NCAPD3: variants seen among roughly 807,000 people sequenced by gnomAD.
NCAPD3 encodes condensin-2 complex subunit D3.
Under a neutral mutation model 182.9 loss-of-function variants are expected in NCAPD3, and 105 were observed. That is an observed-to-expected ratio of 0.57 (90% confidence interval 0.49 to 0.68). The LOEUF is 0.68. Among genes scored for constraint, NCAPD3 ranks in the 30% least tolerant of loss-of-function variants. NCAPD3 has a pLI of 0.00. For synonymous variants in NCAPD3, 815 were observed against 679.9 expected, an observed-to-expected ratio of 1.20 and a Z score of -3.09; for missense variants, 1,944 against 1,837.0, an observed-to-expected ratio of 1.06 and a Z score of -1.07.
chr11:134,186,964 A>C (rs1035554493), intron 16 of NCAPD3, among the ~76,000 whole-genome samples: 1 of 152,242 alleles, frequency 6.6e-6, no homozygotes, highest in Non-Finnish European at 1.5e-5. Context: ...TTATTTAAAA[A>C]TAACGATATA....
rs1434550314 is a variant in NCAPD3, at chr11:134,167,929, G to C, written c.3573+67C>G. The C allele has an allele frequency of 4.8e-6, 7 of 1,465,656 alleles. No homozygotes were observed. The East Asian group carries it at 1.6e-4, about 33-fold the overall frequency. 90.8% of individuals were successfully genotyped at this position (1,465,656 alleles called of 1,614,324 possible). Reference sequence around the variant, plus strand: ...GAGCTTGGGGGAGGTGCACACTCGTGAGATGAGCTTAGGGGAGCAGCACAC... The same window carrying C: ...GAGCTTGGGGGAGGTGCACACTCGTCAGATGAGCTTAGGGGAGCAGCACAC... On this transcript the variant is annotated intron_variant, in intron 27 of 34. Coordinates refer to ENST00000534548, the MANE Select transcript of NCAPD3 (RefSeq NM_015261.3).
chr11:134,211,575 C>T (rs573356378), intron 3 of NCAPD3, among the ~76,000 whole-genome samples: 120 of 151,854 alleles, frequency 7.9e-4, no homozygotes, highest in African/African-American at 2.7e-3. Context: ...AAATGTGCCC[C>T]ATAAGAAAAA....
intron 13 of NCAPD3, among the ~76,000 whole-genome samples, chr11:134,198,107 G>A (rs1032118977): frequency 3.3e-5 from 5 of 152,178 alleles, no homozygotes; most frequent in African/African-American, 1.2e-4. Flanking sequence ...TTAACCTGAA[G>A]ACTGGTTCAG....
Position 134,220,582 on chromosome 11 carries a change from C to T in NCAPD3, c.209G>A (p.Gly70Glu), listed in dbSNP as rs377418096. The T allele has an allele frequency of 2.3e-5, 37 of 1,612,798 alleles. No individual in the cohort carries two copies. The African/African-American group carries it at 2.4e-4, about 10-fold the overall frequency. The change falls in exon 2 of 35, where the codon GGA becomes GAA. Residue 70 changes from glycine (G) to glutamate (E), a missense_variant. Coordinates refer to ENST00000534548, the MANE Select transcript of NCAPD3 (RefSeq NM_015261.3). ...TTTTTATATTTTTACCTCCATAGAT[C>T]CATGTTCTCCAGTAGCAAAGGGTAA... ...SLLPFATGEH[G>E]SMESIWTFFI...
In NCAPD3 at chr11:134,192,670, G is replaced by A. The variant is rs764647487; in HGVS notation, c.2045+19C>T. On this transcript the variant is annotated intron_variant, in intron 16 of 34. Transcript: ENST00000534548. ...ACGGCCTTCTTCTATAGGGAACACA[G>A]GTCATACAGTTAACCTACCTCAGTT... 1 of 1,597,922 alleles carries A rather than the reference G, an allele frequency of 6.3e-7. No individual in the cohort carries two copies. Among genetic ancestry groups the A allele is most frequent in the Admixed American group, 1.7e-5 (1 of 60,000 alleles).
intron 3 of NCAPD3, among the ~76,000 whole-genome samples, chr11:134,211,222 T>G (rs1019072997): frequency 1.3e-5 from 2 of 152,204 alleles, no homozygotes; most frequent in Non-Finnish European, 2.9e-5. Context: ...CTACTTTACA[T>G]CAGCTCTAAT....
At chr11:134,153,490 C>T (rs1012076686) in intron 32 of NCAPD3, 127 bp from the exon 33 acceptor site, 106 of 913,460 alleles carry the variant, frequency 1.2e-4, no homozygotes, top group Non-Finnish European at 3.6e-5. Context: ...CAGACCTCCA[C>T]TGGACCCTGT....
intron 28 of NCAPD3, among the ~76,000 whole-genome samples, chr11:134,161,365 C>T (rs1210932409): frequency 6.6e-6 from 1 of 152,178 alleles, no homozygotes; most frequent in Non-Finnish European, 1.5e-5. Context: ...GCAGCTCCTG[C>T]AGGGCAGTTA....
At chr11:134,195,820 ATC>A (rs1184735624) in intron 13 of NCAPD3, among the ~76,000 whole-genome samples, 2 of 152,188 alleles carry the variant, frequency 1.3e-5, no homozygotes, top group African/African-American at 2.4e-5. Flanking sequence ...CAGGATTCTC[ATC>A]TCTGTTTCTA....
chr11:134,187,281 C>T (rs1944429276), intron 16 of NCAPD3, among the ~76,000 whole-genome samples: 1 of 152,232 alleles, frequency 6.6e-6, no homozygotes, highest in Admixed American at 6.5e-5. Flanking sequence ...TTTTCATCTC[C>T]TGTAACTAAT....
Position 134,168,089 on chromosome 11 carries a change from T to C in NCAPD3, c.3480A>G (p.Arg1160=). 1.9e-6 allele frequency: 3 copies of C among 1,614,150 alleles called. No homozygotes were observed. Among genetic ancestry groups the C allele is most frequent in the East Asian group, 2.2e-5 (1 of 44,888 alleles). ...TAAGGAGGTCTTTGTCTGGTTTAGA[T>C]CTCATTGCCAAAAGCTTGATCTCCT... The part of the protein sequence containing the change: ...SSKEIKLLAM[R]SKPDKDLLME... Residue 1160 remains arginine (R), a synonymous_variant, in exon 27 of 35, where the codon AGA becomes AGG. Coordinates refer to ENST00000534548, the MANE Select transcript of NCAPD3 (RefSeq NM_015261.3).
chr11:134,171,283 G>A (rs1451008620), intron 24 of NCAPD3, among the ~76,000 whole-genome samples: 1 of 152,174 alleles, frequency 6.6e-6, no homozygotes, highest in Non-Finnish European at 1.5e-5. Context: ...CTAAATCTGA[G>A]TGATTACCTT....
At chr11:134,222,376 AG>A (rs968429899) in intron 1 of NCAPD3, among the ~76,000 whole-genome samples, 3 of 152,220 alleles carry the variant, frequency 2.0e-5, no homozygotes, top group Admixed American at 6.5e-5. Context: ...TTGTCCACAA[AG>A]ATCTCAACAT....
At chr11:134,180,863 A>G (rs544977924) in intron 20 of NCAPD3, among the ~76,000 whole-genome samples, 3 of 152,346 alleles carry the variant, frequency 2.0e-5, no homozygotes, top group East Asian at 3.9e-4. Context: ...GATGAAGCGT[A>G]TACCATTGAG....
Position 134,203,957 on chromosome 11 carries a change from A to T in NCAPD3, c.1216-51T>A, listed in dbSNP as rs753143613. 2.5e-6 allele frequency: 4 copies of T among 1,603,186 alleles called. No individual in the cohort carries two copies. In the South Asian group the frequency reaches 4.4e-5, roughly 18 times the overall value. Reference sequence around the variant, plus strand: ...GCCATCAGATAGGAGTAAGAACCAAAGAACCCTCCTCATTCAGACCTAGAA... The same window carrying T: ...GCCATCAGATAGGAGTAAGAACCAATGAACCCTCCTCATTCAGACCTAGAA... On this transcript the variant is annotated intron_variant, in intron 10 of 34. Transcript: ENST00000534548.
Position 134,212,998 on chromosome 11 carries a change from CA to C in NCAPD3, c.383-2545del, listed in dbSNP as rs1187124829. Among the ~76,000 whole-genome samples the C allele has an allele frequency of 4.6e-5, 7 of 152,110 alleles. No homozygotes were observed. The East Asian group carries it at 1.2e-3, about 25-fold the overall frequency. On this transcript the variant is annotated intron_variant, in intron 3 of 34. Transcript: ENST00000534548. ...AATGTAATCAGCTAAACAATTTAAA[CA>C]TTCTGATACAAAAGCAAACATTGTC...
chr11:134,166,033 G>A (rs1241066252), intron 27 of NCAPD3, among the ~76,000 whole-genome samples: 8 of 115,424 alleles, frequency 6.9e-5, no homozygotes, highest in Non-Finnish European at 1.0e-4. Flanking sequence ...TGGGGGAGGC[G>A]CACACTCACT....
At chr11:134,166,765 G>A (rs555709740) in intron 27 of NCAPD3, among the ~76,000 whole-genome samples, 101 of 127,216 alleles carry the variant, frequency 7.9e-4, no homozygotes, top group Non-Finnish European at 1.3e-3. Context: ...ACACTCGTGA[G>A]ATGAGCTTGG....
intron 27 of NCAPD3, among the ~76,000 whole-genome samples, chr11:134,165,567 T>A (rs1269343187): frequency 7.2e-6 from 1 of 139,602 alleles, no homozygotes; most frequent in East Asian, 2.3e-4. Context: ...ACTTGTGAGA[T>A]GAGCTTGGGG....
Sources: gnomAD v4.1 joint callset for allele counts (sites outside exome capture counted in the v4.1 genomes callset) on GRCh38, gnomAD v4.1.1 for gene constraint, MANE v1.5 for transcripts, NCBI Gene and HGNC (gene_info 2026-07-23, HGNC 2026-07-21) for gene names.